SPAG16: variants seen among roughly 807,000 people sequenced by gnomAD.
SPAG16 encodes sperm-associated antigen 16 protein.
SPAG16 carries 86 observed loss-of-function variants against 80.4 expected under a neutral mutation model. The observed-to-expected ratio is 1.07, with a 90% CI of 0.90 to 1.28. The LOEUF is 1.28. SPAG16 is among the 50% of genes most tolerant of loss of function. The probability of loss-of-function intolerance (pLI) is 0.00; values close to 1 mark genes in which losing one functional copy is unlikely to be tolerated. For missense variants in SPAG16, 870 were observed against 765.3 expected (o/e 1.14, Z -1.61); for synonymous variants, 294 against 265.9 (o/e 1.11, Z -1.03).
intron 13 of SPAG16, among the ~76,000 whole-genome samples, chr2:214,044,095 G>C (rs1052638272): frequency 2.0e-5 from 3 of 151,926 alleles, no homozygotes; most frequent in Non-Finnish European, 2.9e-5. Flanking sequence ...CAAAGGTCTT[G>C]TTTTCTCTGT....
At chr2:214,095,022 G>T (rs2052487642) in intron 13 of SPAG16, among the ~76,000 whole-genome samples, 1 of 152,032 alleles carries the variant, frequency 6.6e-6, no homozygotes, top group South Asian at 2.1e-4. Flanking sequence ...TCCCTCATTT[G>T]CTTAATGATG....
At chr2:214,227,803 CAGTT>C (rs1688381932) in intron 15 of SPAG16, among the ~76,000 whole-genome samples, 1 of 151,138 alleles carries the variant, frequency 6.6e-6, no homozygotes, top group Non-Finnish European at 1.5e-5. Flanking sequence ...AGACAAATCT[CAGTT>C]TGTTATTATT....
At position 213,304,621 on chromosome 2, in the gene SPAG16, C is replaced by T. The variant is rs181584834; in HGVS notation, c.280-5438C>T. Among the ~76,000 whole-genome samples, 4 of 152,194 alleles carry T rather than the reference C, an allele frequency of 2.6e-5. No homozygotes were observed. In the East Asian group the frequency reaches 7.7e-4, roughly 29 times the overall value. ...GATATCCAGTTTTCCCATCACCATTCATCGAAGACACTGTCTTTTCCCCTA... is the reference window on the plus strand; with the variant it reads ...GATATCCAGTTTTCCCATCACCATTTATCGAAGACACTGTCTTTTCCCCTA... On this transcript the variant is annotated intron_variant, in intron 3 of 15. Transcript: ENST00000331683.
chr2:214,152,101 G>GA (rs2056001879), intron 15 of SPAG16, among the ~76,000 whole-genome samples: 1 of 152,124 alleles, frequency 6.6e-6, no homozygotes, highest in Non-Finnish European at 1.5e-5. Context: ...GGAATAAATT[G>GA]AAAGTAGAGG....
chr2:214,155,060 A>C (rs1450854481), intron 15 of SPAG16, among the ~76,000 whole-genome samples: 2 of 152,122 alleles, frequency 1.3e-5, no homozygotes, highest in African/African-American at 2.4e-5. Context: ...TAATTCCCAG[A>C]GTTGAAGAGC....
At chr2:213,774,664 T>C (rs2069459336) in intron 10 of SPAG16, among the ~76,000 whole-genome samples, 1 of 152,208 alleles carries the variant, frequency 6.6e-6, no homozygotes, top group South Asian at 2.1e-4. Flanking sequence ...TCTGGTACCA[T>C]CACTTTTAAA....
intron 13 of SPAG16, among the ~76,000 whole-genome samples, chr2:214,058,629 G>A (rs953536686): frequency 5.3e-5 from 8 of 151,922 alleles, no homozygotes; most frequent in African/African-American, 1.9e-4. Flanking sequence ...GTCTACACAG[G>A]GCTGCCACAA....
intron 15 of SPAG16, among the ~76,000 whole-genome samples, chr2:214,324,241 T>C (rs974349444): frequency 6.6e-6 from 1 of 152,216 alleles, no homozygotes; most frequent in African/African-American, 2.4e-5. Flanking sequence ...TAGGACCTCC[T>C]CACCCTTCAC....
At chr2:213,945,200 A>G (rs549667097) in intron 12 of SPAG16, among the ~76,000 whole-genome samples, 1 of 150,426 alleles carries the variant, frequency 6.6e-6, no homozygotes, top group African/African-American at 2.4e-5. Flanking sequence ...CTTTTTATGT[A>G]TATATATGCA....
chr2:213,367,341 C>G (rs1575388093), intron 8 of SPAG16, among the ~76,000 whole-genome samples: 2 of 151,984 alleles, frequency 1.3e-5, no homozygotes, highest in South Asian at 4.2e-4. Flanking sequence ...ATTTCTAGTT[C>G]AAGATCTTTG....
At position 214,060,184 on chromosome 2, in the gene SPAG16, C is replaced by T. The variant is rs964410022; in HGVS notation, c.1527+46107C>T. On this transcript the variant is annotated intron_variant, in intron 13 of 15. Transcript: ENST00000331683. ...CTTAGGAAAAAAATTTTTCCCTATACCATCTGCAGAATATTAGATTCATCC... is the reference window on the plus strand; with the variant it reads ...CTTAGGAAAAAAATTTTTCCCTATATCATCTGCAGAATATTAGATTCATCC... Among the ~76,000 whole-genome samples the T allele has an allele frequency of 3.3e-5, 5 of 152,230 alleles. No individual in the cohort carries two copies. The East Asian group carries it at 5.8e-4, about 18-fold the overall frequency.
chr2:214,050,833 T>C (rs1025270870), intron 13 of SPAG16, among the ~76,000 whole-genome samples: 38 of 152,156 alleles, frequency 2.5e-4, no homozygotes, highest in African/African-American at 8.7e-4. Context: ...ACCAAAATCA[T>C]TTCAGCTTTT....
At chr2:214,108,883 A>G (rs528694626) in intron 14 of SPAG16, among the ~76,000 whole-genome samples, 1 of 152,144 alleles carries the variant, frequency 6.6e-6, no homozygotes, top group South Asian at 2.1e-4. Flanking sequence ...ATTGTTGGAG[A>G]GTCCTTTGAG....
At chr2:214,309,778 G>A in intron 15 of SPAG16, among the ~76,000 whole-genome samples, 1 of 152,070 alleles carries the variant, frequency 6.6e-6, no homozygotes, top group East Asian at 1.9e-4. Context: ...TTTGCCGGGG[G>A]AACCAAAGTG....
At chr2:214,052,412 C>T (rs1243474348) in intron 13 of SPAG16, among the ~76,000 whole-genome samples, 1 of 152,176 alleles carries the variant, frequency 6.6e-6, no homozygotes, top group African/African-American at 2.4e-5. Context: ...CACAGAGTTA[C>T]AAACGAAAGA....
intron 13 of SPAG16, among the ~76,000 whole-genome samples, chr2:214,106,053 A>G (rs1474178205): frequency 1.3e-5 from 2 of 152,156 alleles, no homozygotes; most frequent in African/African-American, 4.8e-5. Flanking sequence ...AAAAGCTACT[A>G]CACTTTTCAT....
intron 10 of SPAG16, among the ~76,000 whole-genome samples, chr2:213,599,590 A>G (rs1481822201): frequency 1.3e-5 from 2 of 152,234 alleles, no homozygotes; most frequent in African/African-American, 4.8e-5. Context: ...GTAAGAATAC[A>G]GTATATAATA....
intron 10 of SPAG16, among the ~76,000 whole-genome samples, chr2:213,602,154 C>T (rs1243398499): frequency 3.9e-5 from 6 of 152,238 alleles, no homozygotes; most frequent in Non-Finnish European, 5.9e-5. Context: ...GGTCTGTGGA[C>T]TGGGGTTGGG....
rs373562929 is a variant in SPAG16 at position 213,462,286 on chromosome 2, GA to G, written c.943-27676del. On this transcript the variant is annotated intron_variant, in intron 9 of 15. Coordinates refer to ENST00000331683, the MANE Select transcript of SPAG16 (RefSeq NM_024532.5). ...CACATAACTATGCAGACAGTATATGGAGTTAATTTCAGCTGGACACTATTAT... is the reference window on the plus strand; with the variant it reads ...CACATAACTATGCAGACAGTATATGGGTTAATTTCAGCTGGACACTATTAT... Among the ~76,000 whole-genome samples, 355 of 152,330 alleles carry G rather than the reference GA, an allele frequency of 2.3e-3. 2 individuals carry two copies. Among genetic ancestry groups the G allele is most frequent in the African/African-American group, 7.9e-3 (329 of 41,582 alleles).
Sources: allele counts gnomAD v4.1 joint callset (sites outside exome capture counted in the v4.1 genomes callset), GRCh38; gene constraint gnomAD v4.1.1; transcripts MANE v1.5; gene names NCBI Gene and HGNC (gene_info 2026-07-23, HGNC 2026-07-21).